The following FN1 variants were observed in gnomAD, a reference collection of about 807,000 sequenced individuals.
FN1 encodes the protein fibronectin 1, also known as fibronectin.
A neutral mutation model predicts 297.3 loss-of-function variants in FN1; 106 were observed. The ratio of observed to expected loss-of-function variants is 0.36; its 90% CI spans 0.30 to 0.42. FN1 has a LOEUF of 0.42. Among genes scored for constraint, FN1 ranks in the 10% least tolerant of loss-of-function variants. The pLI is 1.00. For missense variants in FN1, 2,690 were observed against 3,124.9 expected (o/e 0.86, Z 3.32); for synonymous variants, 1,149 against 1,152.6 (o/e 1.00, Z 0.06).
In FN1 at chr2:215,422,195, C is replaced by T; in HGVS notation, c.1442G>A (p.Gly481Glu). 2 of 1,614,168 alleles carry T rather than the reference C, an allele frequency of 1.2e-6. No homozygotes were observed. Among genetic ancestry groups the T allele is most frequent in the Non-Finnish European group, 1.7e-6 (2 of 1,179,984 alleles). Residue 481 changes from glycine to glutamate, a missense_variant, in exon 10 of 46, where the codon GGA becomes GAA. Gly to Glu is a moderately conservative substitution (Grantham distance 98). Transcript: ENST00000354785. Reference protein sequence around the residue: ...TTNEGVMYRIGDQWDKQHDMG... With the variant: ...TTNEGVMYRIEDQWDKQHDMG... ...GTCATGCTGCTTATCCCACTGATCT[C>T]CAATGCGGTACATGACCCCTTCATT...
At chr2:215,392,407 A>G (rs2059806868) in intron 25 of FN1, 1 of 186,056 alleles carries the variant, frequency 5.4e-6, no homozygotes, top group African/African-American at 2.4e-5. Flanking sequence ...AGTGACAGCA[A>G]CAAAACCTAG....
Position 215,393,068 on chromosome 2 carries a change from A to G in FN1, c.3932T>C (p.Ile1311Thr). Residue 1311 changes from isoleucine (I) to threonine (T), a missense_variant, in exon 25 of 46, where the codon ATT becomes ACT. Ile to Thr is a moderately conservative substitution (Grantham distance 89). Coordinates refer to ENST00000354785, the MANE Select transcript of FN1 (RefSeq NM_212482.4). ...TVVAAGEGIPIFEDFVDSSVG... is the reference protein window; with the variant it reads ...TVVAAGEGIPTFEDFVDSSVG... ...TGAGGAGTCCACAAAATCTTCAAAA[A>G]TAGGGATACCTTCTCCTGCCGCAAC... 1 of 1,614,106 alleles carries G rather than the reference A, an allele frequency of 6.2e-7. No homozygotes were observed. The highest frequency in any genetic ancestry group is 1.1e-5 in the South Asian group (1 of 91,070).
In FN1 at chr2:215,422,181, T is replaced by C. The variant is rs2064516046; in HGVS notation, c.1456A>G (p.Lys486Glu). 6.2e-7 allele frequency: 1 copy of C among 1,614,158 alleles called. No individual in the cohort carries two copies. The highest frequency in any genetic ancestry group is 8.5e-7 in the Non-Finnish European group (1 of 1,179,956). Residue 486 changes from lysine (K) to glutamate (E), a missense_variant, in exon 10 of 46, where the codon AAG (lysine) becomes GAG (glutamate). Physicochemically the swap from Lys to Glu is moderately conservative, Grantham distance 56. Transcript: ENST00000354785. ...VMYRIGDQWD[K>E]QHDMGHMMRC... The stretch of plus-strand genomic sequence containing the variant: ...ATCATGTGACCCATGTCATGCTGCT[T>C]ATCCCACTGATCTCCAATGCGGTAC...
chr2:215,420,639 G>T, intron 11 of FN1, 34 bp downstream of exon 11: 3 of 1,613,330 alleles, frequency 1.9e-6, no homozygotes, highest in Non-Finnish European at 2.5e-6. Flanking sequence ...CATTCCCCCT[G>T]TGCAAACTCA....
intron 24 of FN1, among the ~76,000 whole-genome samples, chr2:215,394,325 G>GAAGCACAGACAGTA (rs2060051555): frequency 6.6e-6 from 1 of 152,198 alleles, no homozygotes; most frequent in Admixed American, 6.5e-5. Flanking sequence ...GCATCCCAGT[G>GAAGCACAGACAGTA]AAGCACAGAC....
Position 215,382,243 on chromosome 2 carries a change from C to T in FN1, c.5133G>A (p.Glu1711=). ...VSVYAQNPSG[E]SQPLVQTAVT... is the part of the protein sequence containing the mutation. ...CTGCAGTCTGAACCAGAGGCTGACTCTCTCCGCTTGGATTCTGAGCATAGA... is the reference window on the plus strand; with the variant it reads ...CTGCAGTCTGAACCAGAGGCTGACTTTCTCCGCTTGGATTCTGAGCATAGA... The change falls in exon 32 of 46, where the codon GAG becomes GAA. Residue 1711 remains glutamate (E), a synonymous_variant. Coordinates refer to ENST00000354785, the MANE Select transcript of FN1 (RefSeq NM_212482.4). 6.2e-7 allele frequency: 1 copy of T among 1,613,770 alleles called. No homozygotes were observed. The highest frequency in any genetic ancestry group is 1.7e-5 in the Admixed American group (1 of 60,022).
At chr2:215,377,108 G>A (rs867523100) in intron 35 of FN1, among the ~76,000 whole-genome samples, 1 of 143,456 alleles carries the variant, frequency 7.0e-6, no homozygotes, top group Non-Finnish European at 1.5e-5. Context: ...GTGTGTGTGT[G>A]TGTCTAATAT....
chr2:215,394,528 C>G lies in FN1; in HGVS notation c.3796G>C (p.Glu1266Gln). 2 of 1,611,684 alleles carry G rather than the reference C, an allele frequency of 1.2e-6. No individual in the cohort carries two copies. The highest frequency in any genetic ancestry group is 8.5e-7 in the Non-Finnish European group (1 of 1,178,072). ...SVPISDTIIP[E>Q]VPQLTDLSFV... ...GGATAGCAGCTTATTTTTCTATTAC[C>G]TGGGATGATGGTATCAGAGATAGGG... is the stretch of plus-strand genomic sequence containing the variant. The change falls in exon 24 of 46, where the codon GAG (glutamate) becomes CAG (glutamine). Residue 1266 changes from glutamate (E) to glutamine (Q), a missense_variant and splice_region_variant. Physicochemically the swap from Glu to Gln is conservative, Grantham distance 29. Coordinates refer to ENST00000354785, the MANE Select transcript of FN1 (RefSeq NM_212482.4).
intron 26 of FN1, among the ~76,000 whole-genome samples, chr2:215,391,184 ACAAT>A (rs1214309093): frequency 1.3e-5 from 2 of 151,624 alleles, no homozygotes; most frequent in South Asian, 4.3e-4. Flanking sequence ...TCTAGACCAA[ACAAT>A]CAGTCACTTT....
intron 23 of FN1, among the ~76,000 whole-genome samples, chr2:215,395,908 CAACTT>C (rs10605109): frequency 0.58 from 87,563 of 151,664 alleles, 25,605 homozygotes; most frequent in East Asian, 0.89. Flanking sequence ...CGAAGATTGT[CAACTT>C]AAAGTTTCAA....
rs756396583 is a variant in FN1 at position 215,383,521 on chromosome 2, G to C, written c.4895-38C>G. 9 of 1,611,194 alleles carry C rather than the reference G, an allele frequency of 5.6e-6. No homozygotes were observed. The East Asian group carries it at 2.0e-4, about 36-fold the overall frequency. On this transcript the variant is annotated intron_variant, in intron 30 of 45. Coordinates refer to ENST00000354785, the MANE Select transcript of FN1 (RefSeq NM_212482.4). ...GCAGGGAGAAACCAGTGAAGCCCCA[G>C]TCCTTGGAGACAAGATTGGACAAGT...
At chr2:215,432,066 G>C (rs893013000) in intron 3 of FN1, 102 bp from the exon 4 acceptor site, 10 of 1,364,554 alleles carry the variant, frequency 7.3e-6, no homozygotes, top group Non-Finnish European at 1.0e-5. Context: ...CTAAAGTAGA[G>C]ACACAGACAA....
intron 26 of FN1, among the ~76,000 whole-genome samples, chr2:215,389,179 CTGAA>C (rs1398982420): frequency 1.3e-5 from 2 of 152,104 alleles, no homozygotes; most frequent in African/African-American, 4.8e-5. Flanking sequence ...TCTTGGCTCA[CTGAA>C]ACCTCTGCCT....
chr2:215,408,830 G>A (rs763170463), intron 15 of FN1, among the ~76,000 whole-genome samples: 8 of 152,028 alleles, frequency 5.3e-5, no homozygotes, highest in East Asian at 1.9e-4. Flanking sequence ...TCAGCTTCCC[G>A]AAGTGCTGAG....
chr2:215,414,405 G>C (rs1182435535), intron 13 of FN1, among the ~76,000 whole-genome samples: 2 of 151,396 alleles, frequency 1.3e-5, no homozygotes, highest in African/African-American at 4.9e-5. Flanking sequence ...CTTAAAAAGT[G>C]AATCAAAAAA....
chr2:215,377,794 T>G (rs191349049), intron 35 of FN1, among the ~76,000 whole-genome samples: 1 of 152,296 alleles, frequency 6.6e-6, no homozygotes, highest in Admixed American at 6.5e-5. Flanking sequence ...TAGATGTCAG[T>G]CATAGTCCAT....
At chr2:215,404,321 TTG>T in intron 20 of FN1, 66 bp downstream of exon 20, 2 of 1,450,552 alleles carry the variant, frequency 1.4e-6, no homozygotes, top group Non-Finnish European at 1.9e-6. Context: ...TTGTTTTGTT[TTG>T]TTTTAAAGCA....
In FN1 at chr2:215,392,975, A is replaced by T; in HGVS notation, c.4025T>A (p.Ile1342Asn). 6.2e-7 allele frequency: 1 copy of T among 1,613,534 alleles called. No individual in the cohort carries two copies. The change falls in exon 25 of 46, where the codon ATT becomes AAT. Residue 1342 changes from isoleucine (I) to asparagine (N), a missense_variant. This residue lies in a region of FN1 where 1,743 missense variants were observed against 1,945.2 expected (regional missense o/e 0.90). Transcript: ENST00000354785. ...IDYDISVITLINGGESAPTTL... is the reference protein window; with the variant it reads ...IDYDISVITLNNGGESAPTTL... ...AGTAGGGGCACTCTCGCCGCCATTA[A>T]TGAGAGTGATAACGCTGATATCATA... is the stretch of plus-strand genomic sequence containing the variant.
At position 215,375,699 on chromosome 2, in the gene FN1, G is replaced by A. The variant is rs761101492; in HGVS notation, c.5907C>T (p.Asp1969=). The stretch of plus-strand genomic sequence containing the variant: ...TCAAGGTGTACAGGTAGATCTTGTA[G>A]TCAGTGCCTGGTTGTAAACCTGGGA... ...YTITGLQPGT[D]YKIYLYTLND... The change falls in exon 37 of 46, where the codon GAC becomes GAT. Residue 1969 remains aspartate, a synonymous_variant. Coordinates refer to ENST00000354785, the MANE Select transcript of FN1 (RefSeq NM_212482.4). 11 of 1,610,816 alleles carry A rather than the reference G, an allele frequency of 6.8e-6. No homozygotes were observed. The highest frequency in any genetic ancestry group is 7.6e-6 in the Non-Finnish European group (9 of 1,177,098).
Sources: gnomAD v4.1 joint callset for allele counts (sites outside exome capture counted in the v4.1 genomes callset) on GRCh38, gnomAD v4.1.1 for gene constraint, gnomAD v4.1.1 regional missense constraint, MANE v1.5 for transcripts, NCBI Gene and HGNC (gene_info 2026-07-23, HGNC 2026-07-21) for gene names.